The following FARS2 variants were observed in gnomAD, a reference collection of about 807,000 sequenced individuals.
The protein encoded by FARS2 is phenylalanine--tRNA ligase, mitochondrial.
Under a neutral mutation model 46.4 loss-of-function variants are expected in FARS2, and 40 were observed. The observed-to-expected ratio is 0.86, with a 90% CI of 0.67 to 1.12. The LOEUF is 1.12. Ranked by LOEUF, FARS2 falls within the 50% of genes most tolerant of loss-of-function variation. The pLI is 0.00. For missense variants in FARS2, 513 were observed against 567.9 expected, an observed-to-expected ratio of 0.90 and a Z score of 0.98; for synonymous variants, 234 against 214.9, an observed-to-expected ratio of 1.09 and a Z score of -0.78.
intron 2 of FARS2, among the ~76,000 whole-genome samples, chr6:5,376,526 A>G (rs1297613212): frequency 6.6e-6 from 1 of 152,120 alleles, no homozygotes; most frequent in Non-Finnish European, 1.5e-5. Flanking sequence ...TTTTTCTTTA[A>G]GTGTTAAAAA....
In FARS2 at chr6:5,566,232, C is replaced by T. The variant is rs74909027; in HGVS notation, c.1065+20892C>T. Among the ~76,000 whole-genome samples, 497 of 152,192 alleles carry T rather than the reference C, an allele frequency of 3.3e-3. 1 individual carries two copies. The highest frequency in any genetic ancestry group is 0.011 in the African/African-American group (475 of 41,522). On this transcript the variant is annotated intron_variant, in intron 5 of 6. Coordinates refer to ENST00000274680, the MANE Select transcript of FARS2 (RefSeq NM_006567.5). The stretch of plus-strand genomic sequence containing the variant: ...CCTGATGGGAGTCTCATCTCTCAGT[C>T]GGGAGTGGGGATGTTTCCTTATCTT...
intron 2 of FARS2, among the ~76,000 whole-genome samples, chr6:5,388,353 T>A (rs1760271876): frequency 6.6e-6 from 1 of 152,220 alleles, no homozygotes; most frequent in African/African-American, 2.4e-5. Flanking sequence ...GTGTTTAATT[T>A]AAAAAGTATT....
intron 1 of FARS2, among the ~76,000 whole-genome samples, chr6:5,297,066 C>T (rs914143932): frequency 6.6e-6 from 1 of 152,212 alleles, no homozygotes; most frequent in African/African-American, 2.4e-5. Flanking sequence ...CCAATTTCTT[C>T]ACATAGGAGA....
intron 3 of FARS2, among the ~76,000 whole-genome samples, chr6:5,429,776 G>A (rs1245426571): frequency 2.0e-5 from 3 of 152,190 alleles, no homozygotes; most frequent in African/African-American, 7.2e-5. Context: ...GGGAGCCACT[G>A]CAGTCCAGCC....
Position 5,545,280 on chromosome 6 carries a change from G to C in FARS2, c.1005G>C (p.Glu335Asp). 2 of 1,614,084 alleles carry C rather than the reference G, an allele frequency of 1.2e-6. No homozygotes were observed. The highest frequency in any genetic ancestry group is 8.5e-7 in the Non-Finnish European group (1 of 1,179,952). Residue 335 changes from glutamate to aspartate, a missense_variant, in exon 5 of 7, where the codon GAG becomes GAC. By Grantham distance (45) the Glu-to-Asp change is conservative (BLOSUM62 2). Transcript: ENST00000274680. ...DIPDIRLFWC[E>D]DERFLKQFCV... is the part of the protein sequence containing the mutation. The stretch of plus-strand genomic sequence containing the variant: ...CTGATATCCGTCTCTTCTGGTGTGA[G>C]GACGAGCGCTTCCTGAAGCAGTTCT...
intron 5 of FARS2, among the ~76,000 whole-genome samples, chr6:5,588,764 C>T (rs866205907): frequency 2.0e-5 from 3 of 152,144 alleles, no homozygotes; most frequent in Non-Finnish European, 4.4e-5. Flanking sequence ...TAGGTTCTTT[C>T]GCGTGCAGTT....
intron 5 of FARS2, among the ~76,000 whole-genome samples, chr6:5,554,056 A>C (rs1348935234): frequency 3.3e-5 from 5 of 151,958 alleles, no homozygotes; most frequent in Non-Finnish European, 7.4e-5. Flanking sequence ...TCTTGAAACT[A>C]TTTTCTTTCT....
At chr6:5,753,073 T>A (rs1478692999) in intron 6 of FARS2, among the ~76,000 whole-genome samples, 1 of 152,140 alleles carries the variant, frequency 6.6e-6, no homozygotes, top group African/African-American at 2.4e-5. Flanking sequence ...TCATATGAAA[T>A]TGCCCAAAAC....
chr6:5,510,129 T>TTTGG (rs1160323880), intron 4 of FARS2, among the ~76,000 whole-genome samples: 5 of 152,076 alleles, frequency 3.3e-5, no homozygotes, highest in South Asian at 2.1e-4. Context: ...TGTTTGTTTG[T>TTTGG]TTGGTTGGTT....
chr6:5,472,340 A>G (rs1449237310), intron 4 of FARS2, among the ~76,000 whole-genome samples: 1 of 152,180 alleles, frequency 6.6e-6, no homozygotes, highest in African/African-American at 2.4e-5. Context: ...GTGATGGACA[A>G]TGTGATTAAA....
chr6:5,473,417 C>T (rs540742407), intron 4 of FARS2, among the ~76,000 whole-genome samples: 47 of 151,852 alleles, frequency 3.1e-4, no homozygotes, highest in African/African-American at 9.4e-4. Flanking sequence ...GTCCCCGCTA[C>T]TTGGGAGGCT....
At chr6:5,553,700 T>C (rs1292583148) in intron 5 of FARS2, among the ~76,000 whole-genome samples, 2 of 152,146 alleles carry the variant, frequency 1.3e-5, no homozygotes, top group East Asian at 3.8e-4. Flanking sequence ...AGGCTACAAG[T>C]ATTAATGCTT....
chr6:5,608,934 A>G (rs1413575083), intron 5 of FARS2, among the ~76,000 whole-genome samples: 1 of 152,020 alleles, frequency 6.6e-6, no homozygotes, highest in Non-Finnish European at 1.5e-5. Context: ...AGACTATTAC[A>G]TTTAGCAATC....
At chr6:5,622,711 C>T (rs1210050288) in intron 6 of FARS2, among the ~76,000 whole-genome samples, 1 of 152,244 alleles carries the variant, frequency 6.6e-6, no homozygotes, top group African/African-American at 2.4e-5. Context: ...CTTCACCAGA[C>T]ACCAAATCTG....
At chr6:5,603,120 G>A (rs1774634393) in intron 5 of FARS2, among the ~76,000 whole-genome samples, 1 of 152,084 alleles carries the variant, frequency 6.6e-6, no homozygotes, top group Non-Finnish European at 1.5e-5. Flanking sequence ...TTTTGACACA[G>A]GGTCTCACTC....
At chr6:5,580,935 G>C (rs1380346134) in intron 5 of FARS2, among the ~76,000 whole-genome samples, 1 of 152,232 alleles carries the variant, frequency 6.6e-6, no homozygotes, top group East Asian at 1.9e-4. Flanking sequence ...ACGATAAACA[G>C]AACCTTTGGG....
intron 3 of FARS2, among the ~76,000 whole-genome samples, chr6:5,412,879 C>CAAG (rs766169221): frequency 0.08 from 12,119 of 152,178 alleles, 553 homozygotes; most frequent in East Asian, 0.11. Flanking sequence ...CTTGTCTGTA[C>CAAG]TCGCCTCGCC....
chr6:5,332,565 A>C (rs1285370634), intron 1 of FARS2, among the ~76,000 whole-genome samples: 1 of 152,226 alleles, frequency 6.6e-6, no homozygotes, highest in African/African-American at 2.4e-5. Flanking sequence ...TATTATACCT[A>C]AAGTAGCTGA....
intron 6 of FARS2, among the ~76,000 whole-genome samples, chr6:5,668,954 C>T (rs1272031980): frequency 6.6e-6 from 1 of 152,040 alleles, no homozygotes; most frequent in Non-Finnish European, 1.5e-5. Flanking sequence ...CCTTGGCCTC[C>T]CAAAGTGCTG....
Sources: gnomAD v4.1 joint callset for allele counts (sites outside exome capture counted in the v4.1 genomes callset) on GRCh38, gnomAD v4.1.1 for gene constraint, MANE v1.5 for transcripts, NCBI Gene and HGNC (gene_info 2026-07-23, HGNC 2026-07-21) for gene names.